The following TTN variants were observed in gnomAD, a reference collection of about 807,000 sequenced individuals.
TTN encodes the protein titin.
A neutral mutation model predicts 3,223.0 loss-of-function variants in TTN; 1,525 were observed. The observed-to-expected ratio is 0.47, with a 90% confidence interval of 0.45 to 0.49. The LOEUF is 0.49. TTN is among the 20% of genes least tolerant of loss of function. The pLI, the probability that TTN is intolerant of heterozygous loss-of-function variation, is 0.00. For missense variants in TTN, 40,786 were observed against 43,424.0 expected (o/e 0.94, Z 5.40); for synonymous variants, 14,094 against 15,161.0 (o/e 0.93, Z 5.17).
chr2:178,672,035 C>G lies in TTN; in HGVS notation c.35163G>C (p.Arg11721Ser). 2 of 1,611,082 alleles carry G rather than the reference C, an allele frequency of 1.2e-6. No homozygotes were observed. The highest frequency in any genetic ancestry group is 1.7e-6 in the Non-Finnish European group (2 of 1,178,828). The part of the protein sequence containing the change: ...EEEHRVEKVH[R>S]VIEVFEAEEV... ...CTTCAGCCTCAAAAACTTCTATTACCCTATGAACTTTTTCAACTCTGTGTT... is the reference window on the plus strand; with the variant it reads ...CTTCAGCCTCAAAAACTTCTATTACGCTATGAACTTTTTCAACTCTGTGTT... The change falls in exon 155 of 363, where the codon AGG (arginine) becomes AGC (serine). Residue 11721 changes from arginine (R) to serine (S), a missense_variant. By Grantham distance (110) the Arg-to-Ser change is moderately radical. Transcript: ENST00000589042.
rs774136822 is a variant in TTN, at chr2:178,792,085, A to G, written c.1649T>C (p.Val550Ala). Residue 550 changes from valine to alanine, a missense_variant, in exon 10 of 363, where the codon GTA (valine) becomes GCA (alanine). Physicochemically the swap from Val to Ala is moderately conservative, Grantham distance 64. Coordinates refer to ENST00000589042, the MANE Select transcript of TTN (RefSeq NM_001267550.2). ...SEEITKKQKQVTQEAIRQETE... is the reference protein window; with the variant it reads ...SEEITKKQKQATQEAIRQETE... ...AATCAGACTTACTGCTTCTTGAGTT[A>G]CTTGTTTCTGTTTCTTAGTAATTTC... is the stretch of plus-strand genomic sequence containing the variant. 2 of 1,612,452 alleles carry G rather than the reference A, an allele frequency of 1.2e-6. No individual in the cohort carries two copies. Among genetic ancestry groups the G allele is most frequent in the Non-Finnish European group, 1.7e-6 (2 of 1,179,222 alleles).
In TTN at chr2:178,729,907, C is replaced by T. The variant is rs772718770; in HGVS notation, c.18346G>A (p.Val6116Met). The change falls in exon 63 of 363, where the codon GTG becomes ATG. Residue 6116 changes from valine to methionine, a missense_variant. Transcript: ENST00000589042. ...GTTGTTGACTGTCCATTCCTCAGCACTAAGACTGGACTGGGCTTCTTAATG... is the reference window on the plus strand; with the variant it reads ...GTTGTTGACTGTCCATTCCTCAGCATTAAGACTGGACTGGGCTTCTTAATG... ...QFIKKPSPVL[V>M]LRNGQSTTFE... 3.7e-6 allele frequency: 6 copies of T among 1,613,178 alleles called. No homozygotes were observed. In the African/African-American group the frequency reaches 4.0e-5, roughly 11 times the overall value.
At chr2:178,752,718 A>G (rs1410372104) in intron 47 of TTN, among the ~76,000 whole-genome samples, 2 of 152,086 alleles carry the variant, frequency 1.3e-5, no homozygotes, top group African/African-American at 4.8e-5. Flanking sequence ...TTCAATCATA[A>G]TTCATTCATG....
chr2:178,785,996 A>G lies in TTN; in HGVS notation c.2222T>C (p.Ile741Thr). The G allele has an allele frequency of 6.2e-7, 1 of 1,614,106 alleles. No individual in the cohort carries two copies. Among genetic ancestry groups the G allele is most frequent in the Non-Finnish European group, 8.5e-7 (1 of 1,180,006 alleles). ...TTLEYGYKER[I>T]SAAKVAEPPQ... ...AGGCTCAGCTACCTTTGCGGCGGAAATGCGTTCCTTATATCCGTACTCCAA... is the reference window on the plus strand; with the variant it reads ...AGGCTCAGCTACCTTTGCGGCGGAAGTGCGTTCCTTATATCCGTACTCCAA... Residue 741 changes from isoleucine to threonine, a missense_variant, in exon 14 of 363, where the codon ATT becomes ACT. Coordinates refer to ENST00000589042, the MANE Select transcript of TTN (RefSeq NM_001267550.2).
At chr2:178,676,159 A>G in intron 147 of TTN, 164 bp from the exon 148 acceptor site, 1 of 606,898 alleles carries the variant, frequency 1.6e-6, no homozygotes, top group East Asian at 2.8e-5. Flanking sequence ...GGATTTGTAA[A>G]GCAAGGGACC....
rs774161568 is a variant in TTN, at chr2:178,552,005, C to A, written c.90895G>T (p.Val30299Leu). The A allele has an allele frequency of 3.1e-6, 5 of 1,612,630 alleles. No individual in the cohort carries two copies. In the East Asian group the frequency reaches 1.1e-4, roughly 36 times the overall value. The part of the protein sequence containing the change: ...LVKDAEYQFR[V>L]RAENRYGVSQ... ...ACTCCGTATCTGTTTTCTGCTCTCA[C>A]TCTAAACTGGTACTCAGCATCTTTG... The change falls in exon 335 of 363, where the codon GTG becomes TTG. Residue 30299 changes from valine to leucine, a missense_variant. Physicochemically the swap from Val to Leu is conservative, Grantham distance 32. Transcript: ENST00000589042.
At chr2:178,598,319 T>C (rs897856297) in intron 292 of TTN, among the ~76,000 whole-genome samples, 187 bp downstream of exon 292, 16 of 152,124 alleles carry the variant, frequency 1.1e-4, no homozygotes, top group Non-Finnish European at 2.2e-4. Context: ...AAAAGATTAG[T>C]AATAACATGA....
chr2:178,772,391 A>T (rs1040935314), intron 33 of TTN, among the ~76,000 whole-genome samples: 1 of 152,074 alleles, frequency 6.6e-6, no homozygotes, highest in African/African-American at 2.4e-5. Flanking sequence ...TAACATCTCA[A>T]CTCCTCAAAA....
chr2:178,708,894 T>C (rs75478249), intron 99 of TTN, among the ~76,000 whole-genome samples: 3,680 of 152,286 alleles, frequency 0.024, 141 homozygotes, highest in African/African-American at 0.076. Flanking sequence ...GATGAAGCTA[T>C]GTTGTAATTA....
At position 178,720,080 on chromosome 2, in the gene TTN, C is replaced by T. The variant is rs878959380; in HGVS notation, c.23562G>A (p.Gln7854=). 6.2e-7 allele frequency: 1 copy of T among 1,613,622 alleles called. No individual in the cohort carries two copies. The highest frequency in any genetic ancestry group is 1.3e-5 in the African/African-American group (1 of 74,912). The change falls in exon 81 of 363, where the codon CAG becomes CAA. Residue 7854 remains glutamine, a synonymous_variant. Transcript: ENST00000589042. ...ISFIDNIATL[Q]LGSPEASNSG... is the part of the protein sequence containing the mutation. ...AATTAGATGCTTCTGGACTCCCCAG[C>T]TGGAGGGTTGCAATGTTATCAATGA...
Position 178,649,880 on chromosome 2 carries a change from T to C in TTN, c.39832A>G (p.Lys13278Glu). The C allele has an allele frequency of 6.2e-7, 1 of 1,611,178 alleles. No homozygotes were observed. The highest frequency in any genetic ancestry group is 1.7e-5 in the Admixed American group (1 of 59,432). ...VPPPAVPEEP[K>E]KIIPEKKVPV... ...ACTTTCTTCTCTGGGATGATCTTCTTGGGCTCTTCAGGCACTTGAATAATA... is the reference window on the plus strand; with the variant it reads ...ACTTTCTTCTCTGGGATGATCTTCTCGGGCTCTTCAGGCACTTGAATAATA... The change falls in exon 211 of 363, where the codon AAG becomes GAG. Residue 13278 changes from lysine (K) to glutamate (E), a missense_variant. By Grantham distance (56) the Lys-to-Glu change is moderately conservative. Coordinates refer to ENST00000589042, the MANE Select transcript of TTN (RefSeq NM_001267550.2).
intron 169 of TTN, 48 bp downstream of exon 169, chr2:178,663,967 A>G: frequency 6.2e-7 from 1 of 1,611,852 alleles, no homozygotes; most frequent in Non-Finnish European, 8.5e-7. Context: ...AATATTGTCA[A>G]GAGCAGAAGA....
rs140655598 is a variant in TTN at position 178,664,660 on chromosome 2, C to T, written c.36196G>A (p.Asp12066Asn). The T allele has an allele frequency of 5.6e-5, 90 of 1,612,420 alleles. No individual in the cohort carries two copies. The African/African-American group carries it at 1.1e-3, about 20-fold the overall frequency. Reference protein sequence around the residue: ...VPLRKPEVLPDEVPEALREVV... With the variant: ...VPLRKPEVLPNEVPEALREVV... ...AGCTTCCAGCAAGATATACCTTCAT[C>T]AGGAAGGACTTCAGGCTTTCTGAGA... is the stretch of plus-strand genomic sequence containing the variant. Residue 12066 changes from aspartate to asparagine, a missense_variant, in exon 167 of 363, where the codon GAT (aspartate) becomes AAT (asparagine). Transcript: ENST00000589042.
chr2:178,640,199 G>T, intron 221 of TTN, 89 bp from the exon 222 acceptor site: 1 of 1,179,172 alleles, frequency 8.5e-7, no homozygotes, highest in Non-Finnish European at 1.2e-6. Flanking sequence ...CACGTATCTT[G>T]GAAGATATTA....
At chr2:178,737,078 G>GGAAA (rs1198901025) in intron 49 of TTN, among the ~76,000 whole-genome samples, 1 of 151,572 alleles carries the variant, frequency 6.6e-6, no homozygotes, top group Non-Finnish European at 1.5e-5. Context: ...TTGGGAAGAG[G>GGAAA]GAAAGAAAGA....
At chr2:178,744,726 C>T (rs2083145649) in intron 47 of TTN, 1 of 982,668 alleles carries the variant, frequency 1.0e-6, no homozygotes, top group Non-Finnish European at 1.2e-6. Flanking sequence ...AATCAGAATA[C>T]AGTTTTAAAA....
rs1401091281 is a variant in TTN, at chr2:178,775,222, GA to G, written c.6509-21del. On this transcript the variant is annotated intron_variant, in intron 28 of 362. Coordinates refer to ENST00000589042, the MANE Select transcript of TTN (RefSeq NM_001267550.2). ...GCTTGGCTACAAGAAAAAGGTGGGG[GA>G]AAAAGGGGAGAGCACATTATATTAA... The G allele has an allele frequency of 6.2e-6, 10 of 1,613,222 alleles. No homozygotes were observed. In the East Asian group the frequency reaches 1.8e-4, roughly 29 times the overall value.
chr2:178,676,227 C>T (rs922016915), intron 147 of TTN: 3 of 351,950 alleles, frequency 8.5e-6, no homozygotes, highest in African/African-American at 2.1e-5. Context: ...AAAATAATTG[C>T]GGTTTTGACA....
intron 45 of TTN, among the ~76,000 whole-genome samples, chr2:178,757,229 A>ACTGTACTTGCTTTAAAGT (rs1398848581): frequency 6.7e-6 from 1 of 149,626 alleles, no homozygotes; most frequent in Non-Finnish European, 1.5e-5. Flanking sequence ...AGTAAGTAAT[A>ACTGTACTTGCTTTAAAGT]ATCAGCAAAT....
Sources: gnomAD v4.1 joint callset for allele counts (sites outside exome capture counted in the v4.1 genomes callset) on GRCh38, gnomAD v4.1.1 for gene constraint, MANE v1.5 for transcripts, NCBI Gene and HGNC (gene_info 2026-07-23, HGNC 2026-07-21) for gene names.